The following SLC7A11 variants were observed in gnomAD, a reference collection of about 807,000 sequenced individuals.
SLC7A11 encodes the protein solute carrier family 7 member 11.
In SLC7A11, 35 loss-of-function variants were observed where a neutral mutation model predicts 54.5. The observed-to-expected ratio is 0.64, with a 90% confidence interval of 0.49 to 0.85. SLC7A11 has a LOEUF of 0.85. Among genes scored for constraint, SLC7A11 ranks in the 40% least tolerant of loss-of-function variants. The pLI, the probability that SLC7A11 is intolerant of heterozygous loss-of-function variation, is 0.00. For synonymous variants in SLC7A11, 230 were observed against 225.2 expected (o/e 1.02, Z -0.19); for missense variants, 583 against 618.1 (o/e 0.94, Z 0.60).
chr4:138,231,598 C>G (rs1738081492), intron 3 of SLC7A11, among the ~76,000 whole-genome samples: 1 of 152,082 alleles, frequency 6.6e-6, no homozygotes, highest in African/African-American at 2.4e-5. Context: ...GATTTGGTAC[C>G]TGGCATCTTT....
At chr4:138,213,526 G>C (rs1331350581) in intron 6 of SLC7A11, among the ~76,000 whole-genome samples, 1 of 131,002 alleles carries the variant, frequency 7.6e-6, no homozygotes, top group Non-Finnish European at 1.7e-5. Flanking sequence ...TTGTGTTTGT[G>C]TTTCTCCTCT....
chr4:138,171,597 A>G lies in SLC7A11; in HGVS notation c.*359T>C, dbSNP rs539930187. 52 of 221,850 alleles carry G rather than the reference A, an allele frequency of 2.3e-4. No individual in the cohort carries two copies. The highest frequency in any genetic ancestry group is 1.2e-3 in the African/African-American group (49 of 42,498). The allele number at this position is 221,850 out of a possible 1,614,324, so 13.7% of individuals were successfully genotyped here. On this transcript the variant is annotated 3_prime_UTR_variant, in exon 12 of 12. Transcript: ENST00000280612. ...GTAAAACCATCTTTACAAAACCCATATATACAGAAAAATCTCAGTCTTCAA... is the reference window on the plus strand; with the variant it reads ...GTAAAACCATCTTTACAAAACCCATGTATACAGAAAAATCTCAGTCTTCAA...
intron 6 of SLC7A11, among the ~76,000 whole-genome samples, chr4:138,212,042 CA>C (rs1203934209): frequency 6.6e-6 from 1 of 151,638 alleles, no homozygotes; most frequent in East Asian, 1.9e-4. Flanking sequence ...ATTCTCAACA[CA>C]AAAAAAGATA....
chr4:138,176,107 A>C (rs955421179), intron 11 of SLC7A11: 1 of 152,106 alleles, frequency 6.6e-6, no homozygotes, highest in Non-Finnish European at 1.5e-5. Flanking sequence ...TCTGTGTGTG[A>C]GTGTTTTGTT....
intron 3 of SLC7A11, among the ~76,000 whole-genome samples, chr4:138,226,562 G>A (rs188169191): frequency 1.5e-5 from 2 of 131,262 alleles, no homozygotes; most frequent in East Asian, 3.9e-4. Context: ...AAGTAACAAG[G>A]CAGCCAGCGA....
At chr4:138,234,770 T>C (rs1389006750) in intron 2 of SLC7A11, among the ~76,000 whole-genome samples, 1 of 152,216 alleles carries the variant, frequency 6.6e-6, no homozygotes, top group Non-Finnish European at 1.5e-5. Flanking sequence ...ATCATAATGC[T>C]AAGCAATGAG....
chr4:138,201,116 C>T (rs905157498), intron 6 of SLC7A11, among the ~76,000 whole-genome samples: 4 of 152,086 alleles, frequency 2.6e-5, no homozygotes, highest in Non-Finnish European at 5.9e-5. Flanking sequence ...CTCATAAAAT[C>T]ATACATTCTA....
rs752680028 is a variant in SLC7A11 at position 138,170,271 on chromosome 4, T to TATACACACACACACACAATATATATACAC, written c.*1684_*1685insGTGTATATATATTGTGTGTGTGTGTGTAT. ...GTGTGTATATATATATATATATATA[T>TATACACACACACACACAATATATATACAC]ACACACACACACACACACACACATA... On this transcript the variant is annotated 3_prime_UTR_variant, in exon 12 of 12. Coordinates refer to ENST00000280612, the MANE Select transcript of SLC7A11 (RefSeq NM_014331.4). 7.8e-4 allele frequency: 67 copies of TATACACACACACACACAATATATATACAC among 86,234 alleles called. No individual in the cohort carries two copies. Among genetic ancestry groups the TATACACACACACACACAATATATATACAC allele is most frequent in the African/African-American group, 2.8e-3 (66 of 23,780 alleles). The allele number at this position is 86,234 out of a possible 1,614,324, so 5.3% of individuals were successfully genotyped here.
intron 3 of SLC7A11, among the ~76,000 whole-genome samples, chr4:138,229,782 T>A (rs931902178): frequency 6.6e-6 from 1 of 152,252 alleles, no homozygotes; most frequent in African/African-American, 2.4e-5. Flanking sequence ...TTAGTATTCA[T>A]ATAAGTTTAA....
intron 6 of SLC7A11, among the ~76,000 whole-genome samples, chr4:138,191,285 C>A (rs145923879): frequency 1.3e-3 from 200 of 152,254 alleles, no homozygotes; most frequent in African/African-American, 4.6e-3. Context: ...TCTTACTGAA[C>A]CACGGCAAGG....
At chr4:138,236,235 T>C (rs1426090207) in intron 2 of SLC7A11, 90 bp downstream of exon 2, 5 of 1,032,754 alleles carry the variant, frequency 4.8e-6, no homozygotes, top group Non-Finnish European at 7.1e-6. Flanking sequence ...TCACATGACA[T>C]GCATGTGTCT....
intron 6 of SLC7A11, among the ~76,000 whole-genome samples, chr4:138,196,643 TTAA>T (rs1737138931): frequency 6.6e-6 from 1 of 151,772 alleles, no homozygotes. Flanking sequence ...TTAATTTAAT[TTAA>T]TTTTTATTAT....
rs1160189435 is a variant in SLC7A11 at position 138,214,023 on chromosome 4, AATC to A, written c.791+559_791+561del. ...TAGTTCATTTTGAAAATATTACATA[AATC>A]ATCATCAAATCATCTACTTATCAAG... On this transcript the variant is annotated intron_variant, in intron 6 of 11. Coordinates refer to ENST00000280612, the MANE Select transcript of SLC7A11 (RefSeq NM_014331.4). Among the ~76,000 whole-genome samples, 5 of 152,204 alleles carry A rather than the reference AATC, an allele frequency of 3.3e-5. No homozygotes were observed. The East Asian group carries it at 9.6e-4, about 29-fold the overall frequency.
intron 6 of SLC7A11, among the ~76,000 whole-genome samples, chr4:138,198,298 TAAAG>T (rs1460907343): frequency 6.6e-6 from 1 of 152,056 alleles, no homozygotes; most frequent in Non-Finnish European, 1.5e-5. Context: ...GCTGTGATCA[TAAAG>T]AAAATTGAGT....
chr4:138,180,454 T>G lies in SLC7A11; in HGVS notation c.1266+187A>C, dbSNP rs78118995. Among the ~76,000 whole-genome samples, 1,269 of 152,158 alleles carry G rather than the reference T, an allele frequency of 8.3e-3. 13 individuals carry two copies. The highest frequency in any genetic ancestry group is 0.029 in the African/African-American group (1,212 of 41,514). ...AAGTTCAAGCCCATCACATAAAAAA[T>G]TGGATCCACTGTTTTTTTTCCAACT... On this transcript the variant is annotated intron_variant, in intron 10 of 11. Coordinates refer to ENST00000280612, the MANE Select transcript of SLC7A11 (RefSeq NM_014331.4).
In SLC7A11 at chr4:138,214,645, T is replaced by C. The variant is rs11944083; in HGVS notation, c.747-16A>G. The C allele has an allele frequency of 0.19, 199,133 of 1,045,466 alleles. 20,018 individuals carry two copies. The highest frequency in any genetic ancestry group is 0.32 in the East Asian group (11,277 of 35,602). 64.8% of individuals were successfully genotyped at this position (1,045,466 alleles called of 1,614,324 possible). A position where few individuals can be genotyped will look rare whatever the true frequency, so the allele number is the denominator to read the frequency against. ...GAGGTAAAACCTAAAAATAGATAAA[T>C]AAATTATAAACTATTAATATATTTT... On this transcript the variant is annotated splice_polypyrimidine_tract_variant and intron_variant, in intron 5 of 11. Coordinates refer to ENST00000280612, the MANE Select transcript of SLC7A11 (RefSeq NM_014331.4).
At chr4:138,206,076 A>G (rs1037302061) in intron 6 of SLC7A11, among the ~76,000 whole-genome samples, 1 of 152,014 alleles carries the variant, frequency 6.6e-6, no homozygotes, top group Non-Finnish European at 1.5e-5. Context: ...GAGTTTCTCA[A>G]TTTATCATAC....
intron 1 of SLC7A11, among the ~76,000 whole-genome samples, chr4:138,238,134 C>T (rs1025935303): frequency 6.6e-6 from 1 of 152,194 alleles, no homozygotes; most frequent in Non-Finnish European, 1.5e-5. Flanking sequence ...AAATTTTTAA[C>T]ATTTAACGAT....
At chr4:138,179,477 C>A in intron 10 of SLC7A11, 83 bp from the exon 11 acceptor site, 2 of 1,209,440 alleles carry the variant, frequency 1.7e-6, no homozygotes, top group Middle Eastern at 3.9e-4. Flanking sequence ...TCAGTCATGA[C>A]ATATACTTTA....
Sources: allele counts gnomAD v4.1 joint callset (sites outside exome capture counted in the v4.1 genomes callset), GRCh38; gene constraint gnomAD v4.1.1; transcripts MANE v1.5; gene names NCBI Gene and HGNC (gene_info 2026-07-23, HGNC 2026-07-21).